The following ADAMTSL3 variants were observed in gnomAD, a reference collection of about 807,000 sequenced individuals.
ADAMTSL3 encodes ADAMTS like 3.
In ADAMTSL3, 128 loss-of-function variants were observed where a neutral mutation model predicts 201.7. The observed-to-expected ratio is 0.63, with a 90% CI of 0.55 to 0.73. ADAMTSL3 has a LOEUF of 0.73. Among genes scored for constraint, ADAMTSL3 ranks in the 30% least tolerant of loss-of-function variants. The pLI is 0.00. For missense variants in ADAMTSL3, 1,990 were observed against 2,119.6 expected (o/e 0.94, Z 1.20); for synonymous variants, 738 against 748.4 (o/e 0.99, Z 0.23).
chr15:83,891,230 A>G, intron 11 of ADAMTSL3, 99 bp from the exon 12 acceptor site: 4 of 1,020,648 alleles, frequency 3.9e-6, no homozygotes, highest in Non-Finnish European at 5.9e-6. Flanking sequence ...CCAATTTGGA[A>G]GAGCTCTGTC....
intron 26 of ADAMTSL3, among the ~76,000 whole-genome samples, chr15:84,022,229 C>T (rs1296262755): frequency 6.6e-6 from 1 of 152,098 alleles, no homozygotes; most frequent in Non-Finnish European, 1.5e-5. Context: ...TCCAAGCCGT[C>T]ATTTTTTCTT....
chr15:83,972,292 T>C (rs1174201644), intron 20 of ADAMTSL3, among the ~76,000 whole-genome samples: 1 of 152,182 alleles, frequency 6.6e-6, no homozygotes, highest in African/African-American at 2.4e-5. Flanking sequence ...GAGGAACACA[T>C]TTCCAAAATC....
At chr15:83,903,917 C>CAAAAAAAAAAA (rs1168502648) in intron 15 of ADAMTSL3, among the ~76,000 whole-genome samples, 76 of 19,250 alleles carry the variant, frequency 3.9e-3, no homozygotes, top group Middle Eastern at 0.056. Flanking sequence ...GACTCCACAT[C>CAAAAAAAAAAA]AAAAAAAAAA....
At chr15:83,713,595 A>G (rs539514424) in intron 3 of ADAMTSL3, among the ~76,000 whole-genome samples, 58 of 152,228 alleles carry the variant, frequency 3.8e-4, no homozygotes, top group Admixed American at 2.2e-3. Flanking sequence ...CTGATTGACT[A>G]TGTCACATAT....
At chr15:83,988,279 C>A (rs1449033635) in intron 21 of ADAMTSL3, among the ~76,000 whole-genome samples, 1 of 152,186 alleles carries the variant, frequency 6.6e-6, no homozygotes, top group Non-Finnish European at 1.5e-5. Context: ...GCATGAAAAT[C>A]CAAACAGAAA....
chr15:83,791,742 C>G (rs938958920), intron 4 of ADAMTSL3, among the ~76,000 whole-genome samples: 4 of 151,860 alleles, frequency 2.6e-5, no homozygotes, highest in Admixed American at 6.6e-5. Flanking sequence ...CGCCTGTAGT[C>G]CCAGCTACTC....
chr15:83,791,808 T>G (rs2063348844), intron 4 of ADAMTSL3, among the ~76,000 whole-genome samples: 1 of 150,188 alleles, frequency 6.7e-6, no homozygotes, highest in Admixed American at 6.6e-5. Flanking sequence ...TACTATGAGC[T>G]GAGATGCGCC....
At chr15:83,787,481 A>G (rs1175975023) in intron 4 of ADAMTSL3, among the ~76,000 whole-genome samples, 3 of 152,220 alleles carry the variant, frequency 2.0e-5, no homozygotes, top group Admixed American at 1.3e-4. Flanking sequence ...ATTGAAAACT[A>G]TGTTGGGGAG....
At chr15:83,956,300 G>A (rs2066861191) in intron 19 of ADAMTSL3, among the ~76,000 whole-genome samples, 2 of 152,194 alleles carry the variant, frequency 1.3e-5, no homozygotes, top group Admixed American at 1.3e-4. Context: ...ATGGGGAAGG[G>A]GTGGTGTTGG....
At chr15:83,932,460 G>C (rs768967222) in intron 17 of ADAMTSL3, among the ~76,000 whole-genome samples, 1 of 152,158 alleles carries the variant, frequency 6.6e-6, no homozygotes, top group Non-Finnish European at 1.5e-5. Flanking sequence ...TAGACCTTCA[G>C]AAAGTAAGGA....
At chr15:83,870,255 T>C (rs1467531757) in intron 8 of ADAMTSL3, among the ~76,000 whole-genome samples, 3 of 152,170 alleles carry the variant, frequency 2.0e-5, no homozygotes, top group Non-Finnish European at 2.9e-5. Context: ...CCAGTGTCAA[T>C]TTCCTGGTTT....
At chr15:83,693,449 A>G (rs561710940) in intron 2 of ADAMTSL3, among the ~76,000 whole-genome samples, 1 of 152,140 alleles carries the variant, frequency 6.6e-6, no homozygotes, top group South Asian at 2.1e-4. Context: ...GGAAAGGGTC[A>G]CTCTACTGCC....
chr15:83,755,725 G>A (rs1362191091), intron 3 of ADAMTSL3, among the ~76,000 whole-genome samples: 1 of 151,874 alleles, frequency 6.6e-6, no homozygotes, highest in African/African-American at 2.4e-5. Flanking sequence ...TTATAACAGA[G>A]TGGTACAAAC....
chr15:83,714,893 CCTT>C (rs1567093469), intron 3 of ADAMTSL3, among the ~76,000 whole-genome samples: 989 of 40,432 alleles, frequency 0.024, 29 homozygotes, highest in South Asian at 0.041. Flanking sequence ...TTCCTTCCTT[CCTT>C]CCTTCCTTCC....
intron 7 of ADAMTSL3, among the ~76,000 whole-genome samples, chr15:83,852,790 G>A (rs1263375587): frequency 1.3e-5 from 2 of 151,686 alleles, no homozygotes; most frequent in African/African-American, 2.4e-5. Flanking sequence ...ATTTTCCTTC[G>A]ATTTTCTCAA....
intron 6 of ADAMTSL3, among the ~76,000 whole-genome samples, chr15:83,826,464 A>G (rs1193702796): frequency 6.7e-6 from 1 of 149,760 alleles, no homozygotes; most frequent in Non-Finnish European, 1.5e-5. Context: ...TTTTTATCAA[A>G]CCATGCTTTA....
chr15:83,863,103 C>G (rs913058223), intron 8 of ADAMTSL3, among the ~76,000 whole-genome samples: 2 of 152,204 alleles, frequency 1.3e-5, no homozygotes, highest in African/African-American at 4.8e-5. Flanking sequence ...AATACAGGAA[C>G]ACCCAGATTC....
chr15:83,741,553 G>T (rs955888992), intron 3 of ADAMTSL3, among the ~76,000 whole-genome samples: 7 of 152,066 alleles, frequency 4.6e-5, no homozygotes, highest in Non-Finnish European at 8.8e-5. Flanking sequence ...AAAGACATGT[G>T]AAATTATAAG....
chr15:83,672,450 G>A (rs28645820), intron 2 of ADAMTSL3, among the ~76,000 whole-genome samples: 10,748 of 152,236 alleles, frequency 0.071, 437 homozygotes, highest in East Asian at 0.14. Context: ...CTGCCTGGAT[G>A]GGTATTCTCC....
Sources: allele counts gnomAD v4.1 joint callset (sites outside exome capture counted in the v4.1 genomes callset), GRCh38; gene constraint gnomAD v4.1.1; transcripts MANE v1.5; gene names NCBI Gene and HGNC (gene_info 2026-07-23, HGNC 2026-07-21).